Variants in PXDNL observed in about 807,000 individuals in gnomAD.
PXDNL encodes the protein peroxidasin like, also known as probable oxidoreductase PXDNL.
In PXDNL, 145 loss-of-function variants were observed where a neutral mutation model predicts 150.8. The ratio of observed to expected loss-of-function variants is 0.96; its 90% CI spans 0.84 to 1.10. The LOEUF (loss-of-function observed/expected upper bound fraction) is 1.10, where lower values mean the gene tolerates loss of function less well. Among genes scored for constraint, PXDNL ranks in the 50% least tolerant of loss-of-function variants. PXDNL has a pLI of 0.00. For missense variants in PXDNL, 2,087 were observed against 1,873.9 expected (o/e 1.11, Z -2.10); for synonymous variants, 757 against 725.7 (o/e 1.04, Z -0.69).
At chr8:51,764,747 G>C (rs911963183) in intron 1 of PXDNL, among the ~76,000 whole-genome samples, 4 of 152,156 alleles carry the variant, frequency 2.6e-5, no homozygotes, top group Admixed American at 6.5e-5. Flanking sequence ...CCTAGAGCAT[G>C]TTTTATGTGC....
At chr8:51,683,210 A>C (rs1815796498) in intron 1 of PXDNL, among the ~76,000 whole-genome samples, 1 of 58,724 alleles carries the variant, frequency 1.7e-5, no homozygotes, top group South Asian at 6.5e-4. Flanking sequence ...TGCCTATTAG[A>C]AATGCACATC....
At chr8:51,748,294 G>A (rs1224687806) in intron 1 of PXDNL, among the ~76,000 whole-genome samples, 1 of 152,164 alleles carries the variant, frequency 6.6e-6, no homozygotes, top group Non-Finnish European at 1.5e-5. Flanking sequence ...AATGAATAAG[G>A]TGAACTGAAT....
At chr8:51,542,495 TAAAA>T (rs34691012) in intron 4 of PXDNL, among the ~76,000 whole-genome samples, 8 of 136,598 alleles carry the variant, frequency 5.9e-5, no homozygotes, top group Admixed American at 2.2e-4. Context: ...AATGCCCTTA[TAAAA>T]AAAAAAAAAA....
Position 51,641,907 on chromosome 8 carries a change from G to A in PXDNL, c.236+12782C>T, listed in dbSNP as rs978378190. Among the ~76,000 whole-genome samples, 31 of 151,978 alleles carry A rather than the reference G, an allele frequency of 2.0e-4. 1 individual carries two copies. Among genetic ancestry groups the A allele is most frequent in the Non-Finnish European group, 3.7e-4 (25 of 68,004 alleles). On this transcript the variant is annotated intron_variant, in intron 2 of 22. Transcript: ENST00000356297. ...TGCTGCTATAAAGACACATGCACACGTATGTTTATTGCAGCTCTATTCACA... is the reference window on the plus strand; with the variant it reads ...TGCTGCTATAAAGACACATGCACACATATGTTTATTGCAGCTCTATTCACA...
intron 4 of PXDNL, among the ~76,000 whole-genome samples, chr8:51,539,279 C>T (rs1812159847): frequency 6.6e-6 from 1 of 151,810 alleles, no homozygotes; most frequent in African/African-American, 2.4e-5. Flanking sequence ...TTTTGTTTTT[C>T]GAATGATAAA....
intron 17 of PXDNL, among the ~76,000 whole-genome samples, chr8:51,376,531 T>G (rs949865957): frequency 3.3e-5 from 5 of 152,224 alleles, no homozygotes; most frequent in Non-Finnish European, 7.3e-5. Flanking sequence ...CATTTCTGTT[T>G]TCTTGTTACA....
chr8:51,711,078 TC>T (rs1296225425), intron 1 of PXDNL, among the ~76,000 whole-genome samples: 2 of 152,190 alleles, frequency 1.3e-5, no homozygotes, highest in Middle Eastern at 3.2e-3. Context: ...AGTTAAATTG[TC>T]ACAGTTTACA....
chr8:51,347,101 A>G (rs2915454), intron 19 of PXDNL, among the ~76,000 whole-genome samples: 113,927 of 151,996 alleles, frequency 0.75, 43,108 homozygotes, highest in East Asian at 0.94. Flanking sequence ...ATAAAACAGG[A>G]TAACAACCCG....
chr8:51,704,931 C>T (rs892555085), intron 1 of PXDNL, among the ~76,000 whole-genome samples: 2 of 152,068 alleles, frequency 1.3e-5, no homozygotes, highest in Admixed American at 6.6e-5. Flanking sequence ...TAAACAGCAC[C>T]TACACATAAA....
intron 19 of PXDNL, among the ~76,000 whole-genome samples, chr8:51,363,486 T>C (rs112729947): frequency 0.016 from 2,460 of 152,142 alleles, 59 homozygotes; most frequent in African/African-American, 0.053. Flanking sequence ...AGGGTAGTGA[T>C]TGATTGAGCA....
intron 6 of PXDNL, among the ~76,000 whole-genome samples, chr8:51,477,522 G>A (rs964024256): frequency 6.6e-6 from 1 of 152,178 alleles, no homozygotes; most frequent in African/African-American, 2.4e-5. Context: ...TACCAGCTAC[G>A]TGGCTATAAA....
intron 18 of PXDNL, 30 bp from the exon 19 acceptor site, chr8:51,372,111 C>A (rs199770812): frequency 1.3e-6 from 2 of 1,510,548 alleles, no homozygotes; most frequent in South Asian, 2.4e-5. Flanking sequence ...AAAACATTGT[C>A]GTGGGTCTGT....
chr8:51,672,187 G>T (rs1815509987), intron 1 of PXDNL, among the ~76,000 whole-genome samples: 1 of 152,086 alleles, frequency 6.6e-6, no homozygotes, highest in Admixed American at 6.6e-5. Flanking sequence ...CACCATGTTG[G>T]CCAGGCTGGT....
intron 20 of PXDNL, among the ~76,000 whole-genome samples, chr8:51,344,093 T>C (rs557417491): frequency 2.0e-5 from 3 of 152,264 alleles, no homozygotes; most frequent in Admixed American, 2.0e-4. Context: ...TCATTCATTT[T>C]GGGTTTTTTG....
intron 12 of PXDNL, among the ~76,000 whole-genome samples, chr8:51,443,367 T>A (rs537650249): frequency 4.6e-5 from 7 of 152,192 alleles, no homozygotes; most frequent in African/African-American, 1.7e-4. Flanking sequence ...TTCATAATGC[T>A]CTGAAAACAA....
At position 51,426,718 on chromosome 8, in the gene PXDNL, G is replaced by T. The variant is rs760673605; in HGVS notation, c.1566C>A (p.Val522=). ...AAATGTTTATATTCTTTCCAACCTCGACACTTGTATCCTGAGGAAGTTGAG... is the reference window on the plus strand; with the variant it reads ...AAATGTTTATATTCTTTCCAACCTCTACACTTGTATCCTGAGGAAGTTGAG... ...VFTQLPQDTS[V]EVGKNINISC... is the part of the protein sequence containing the mutation. Residue 522 remains valine (V), a synonymous_variant, in exon 13 of 23, where the codon GTC becomes GTA. Transcript: ENST00000356297. 1.8e-5 allele frequency: 29 copies of T among 1,606,300 alleles called. No individual in the cohort carries two copies. The highest frequency in any genetic ancestry group is 2.5e-5 in the Non-Finnish European group (29 of 1,175,618).
intron 1 of PXDNL, among the ~76,000 whole-genome samples, chr8:51,716,642 A>G (rs111365668): frequency 0.014 from 2,070 of 152,348 alleles, 29 homozygotes; most frequent in South Asian, 0.046. Flanking sequence ...GATTTTCTCC[A>G]TATTACTTTT....
chr8:51,795,092 T>G (rs12334986), intron 1 of PXDNL, among the ~76,000 whole-genome samples: 104,469 of 152,092 alleles, frequency 0.69, 42,354 homozygotes, highest in Non-Finnish European at 0.9. Context: ...CAAGAAGAGA[T>G]AACTATCCTA....
chr8:51,529,831 C>A (rs1323396278), intron 4 of PXDNL, among the ~76,000 whole-genome samples: 2 of 152,210 alleles, frequency 1.3e-5, no homozygotes, highest in South Asian at 2.1e-4. Flanking sequence ...CACGAAAACT[C>A]TTCTTCTAGG....
Sources: gnomAD v4.1 joint callset for allele counts (sites outside exome capture counted in the v4.1 genomes callset) on GRCh38, gnomAD v4.1.1 for gene constraint, MANE v1.5 for transcripts, NCBI Gene and HGNC (gene_info 2026-07-23, HGNC 2026-07-21) for gene names.